Variants in CLN3 observed in about 807,000 individuals in gnomAD.
The protein encoded by CLN3 is battenin.
A neutral mutation model predicts 60.7 loss-of-function variants in CLN3; 49 were observed. That is an observed-to-expected ratio of 0.81 (90% CI 0.64 to 1.02). The LOEUF (loss-of-function observed/expected upper bound fraction) is 1.02, where lower values mean the gene tolerates loss of function less well. Ranked by LOEUF, CLN3 falls within the 50% of genes least tolerant of loss-of-function variation. CLN3 has a pLI of 0.00. For synonymous variants in CLN3, 256 were observed against 245.8 expected, an observed-to-expected ratio of 1.04 and a Z score of -0.39; for missense variants, 516 against 557.4, an observed-to-expected ratio of 0.93 and a Z score of 0.75.
Position 28,477,320 on chromosome 16 carries a change from AG to A in CLN3, c.*195del, listed in dbSNP as rs2046008613. 1 of 669,008 alleles carries A rather than the reference AG, an allele frequency of 1.5e-6. No individual in the cohort carries two copies. Among genetic ancestry groups the A allele is most frequent in the Admixed American group, 2.6e-5 (1 of 38,762 alleles). The allele number at this position is 669,008 out of a possible 1,614,324, so 41.4% of individuals were successfully genotyped here. A position where few individuals can be genotyped will look rare whatever the true frequency, so the allele number is the denominator to read the frequency against. On this transcript the variant is annotated 3_prime_UTR_variant, in exon 16 of 16. Coordinates refer to ENST00000636147, the MANE Select transcript of CLN3 (RefSeq NM_001042432.2). ...GCATTTATTCAGAAGGCATGATGCCAGGAAGAAACTCCCCAAGTGGGAGACA... is the reference window on the plus strand; with the variant it reads ...GCATTTATTCAGAAGGCATGATGCCAGAAGAAACTCCCCAAGTGGGAGACA...
intron 10 of CLN3, among the ~76,000 whole-genome samples, chr16:28,483,532 G>C (rs2046141687): frequency 6.7e-6 from 1 of 149,974 alleles, no homozygotes. Flanking sequence ...AATGTCTCTT[G>C]TACAGCTCCA....
At chr16:28,479,770 AAAAAC>A in intron 14 of CLN3, 18 of 222,526 alleles carry the variant, frequency 8.1e-5, no homozygotes, top group South Asian at 2.0e-4. Flanking sequence ...CTCCATCTCA[AAAAAC>A]AAAACAAAAC....
At chr16:28,491,306 G>A (rs2046309529) in intron 3 of CLN3, among the ~76,000 whole-genome samples, 176 bp downstream of exon 3, 1 of 152,204 alleles carries the variant, frequency 6.6e-6, no homozygotes, top group South Asian at 2.1e-4. Flanking sequence ...AATCCGGAAG[G>A]TGATAAGGAG....
At position 28,477,808 on chromosome 16, in the gene CLN3, G is replaced by A. The variant is rs2141694207; in HGVS notation, c.1126C>T (p.Leu376=). The A allele has an allele frequency of 2.5e-6, 4 of 1,614,210 alleles. No homozygotes were observed. The highest frequency in any genetic ancestry group is 3.4e-6 in the Non-Finnish European group (4 of 1,180,044). The change falls in exon 15 of 16, where the codon CTG becomes TTG. Residue 376 remains leucine (L), a synonymous_variant. Transcript: ENST00000636147. ...AGGAGCCCCTCATACAGAATGATCAGGAAGACGAGGTAGATGCTTGGCAGA... is the reference window on the plus strand; with the variant it reads ...AGGAGCCCCTCATACAGAATGATCAAGAAGACGAGGTAGATGCTTGGCAGA... ...GFLPSIYLVF[L]IILYEGLLGG...
At chr16:28,491,040 A>G (rs1036308244) in intron 3 of CLN3, 2 of 156,314 alleles carry the variant, frequency 1.3e-5, no homozygotes, top group Non-Finnish European at 2.8e-5. Context: ...ACTGCATTCC[A>G]ACCTGGGAAA....
intron 14 of CLN3, 82 bp downstream of exon 14, chr16:28,482,023 G>A (rs980132575): frequency 6.9e-6 from 7 of 1,010,868 alleles, no homozygotes; most frequent in South Asian, 5.5e-5. Context: ...CCCACTGATA[G>A]TGGGAAGCAG....
Position 28,487,311 on chromosome 16 carries a change from C to T in CLN3, c.460+145G>A, listed in dbSNP as rs1001282630. ...ACCCCTCCAAATTGTCCCAGTCTCC[C>T]ATCGCCTACTGCTGATAGCCCTAGC... On this transcript the variant is annotated intron_variant, in intron 7 of 15. Transcript: ENST00000636147. 3 of 732,510 alleles carry T rather than the reference C, an allele frequency of 4.1e-6. No individual in the cohort carries two copies. The African/African-American group carries it at 5.2e-5, about 13-fold the overall frequency. The allele number at this position is 732,510 out of a possible 1,614,324, so 45.4% of individuals were successfully genotyped here.
At chr16:28,483,713 CTTTTTTTTTTTTTTT>C (rs755660742) in intron 10 of CLN3, among the ~76,000 whole-genome samples, 3 of 100,522 alleles carry the variant, frequency 3.0e-5, no homozygotes, top group African/African-American at 4.6e-5. Context: ...CCTTTCTTTT[CTTTTTTTTTTTTTTT>C]TTTTTTTTTT....
At chr16:28,472,607 G>A (rs570859376), downstream of CLN3, among the ~76,000 whole-genome samples, 10 of 151,226 alleles carry the variant, frequency 6.6e-5, no homozygotes, top group Admixed American at 2.6e-4. Flanking sequence ...TTGGGAGGCC[G>A]AGGTGGGCGG....
At chr16:28,481,464 A>ACACACACG (rs2046095277) in intron 14 of CLN3, among the ~76,000 whole-genome samples, 1 of 139,708 alleles carries the variant, frequency 7.2e-6, no homozygotes, top group Non-Finnish European at 1.6e-5. Context: ...GCACACACAC[A>ACACACACG]CACACACACA....
intron 9 of CLN3, chr16:28,484,361 T>G: frequency 2.0e-6 from 1 of 502,438 alleles, no homozygotes; most frequent in South Asian, 2.1e-5. Flanking sequence ...GTTTTGATTT[T>G]TTTCAGAGAC....
chr16:28,470,899 T>C (rs2045946185), downstream of CLN3, among the ~76,000 whole-genome samples: 1 of 114,164 alleles, frequency 8.8e-6, no homozygotes, highest in Admixed American at 9.2e-5. Flanking sequence ...CCGCCAAACC[T>C]TCTTCGGTCT....
At chr16:28,476,809 A>G (rs2141692167), downstream of CLN3, 1 of 153,564 alleles carries the variant, frequency 6.5e-6, no homozygotes, top group African/African-American at 2.4e-5. Context: ...GTCCCAAACA[A>G]TGAATGCATG....
At chr16:28,470,227 G>A (rs2045935764), downstream of CLN3, 1 of 962,912 alleles carries the variant, frequency 1.0e-6, no homozygotes, top group South Asian at 1.6e-5. Flanking sequence ...TGATGCCCTG[G>A]CTAGTCTTCA....
Position 28,484,062 on chromosome 16 carries a change from G to A in CLN3, c.734C>T (p.Ala245Val). ...GAGGGGCTGCCGGGCTGCGCTCTCT[G>A]CTTCTTCTTCCCCTCCAGGGTCCTG... ...EAQDPGGEEE[A>V]ESAARQPLIR... Residue 245 changes from alanine (A) to valine (V), a missense_variant, in exon 10 of 16, where the codon GCA becomes GTA. Ala to Val is a moderately conservative substitution (Grantham distance 64). Transcript: ENST00000636147. 6.2e-7 allele frequency: 1 copy of A among 1,612,430 alleles called. No individual in the cohort carries two copies. The highest frequency in any genetic ancestry group is 8.5e-7 in the Non-Finnish European group (1 of 1,179,258).
downstream of CLN3, among the ~76,000 whole-genome samples, chr16:28,472,884 G>A (rs369534774): frequency 1.5e-3 from 231 of 149,118 alleles, 1 homozygote; most frequent in Middle Eastern, 7.1e-3. Flanking sequence ...TGATCTGCCC[G>A]CCTCAGCCTC....
At chr16:28,487,220 G>GTCTTGACTTTGTTCACCTCAATCTCCA in intron 7 of CLN3, 1 of 604,632 alleles carries the variant, frequency 1.7e-6, no homozygotes, top group South Asian at 1.9e-5. Context: ...CCATCACAGA[G>GTCTTGACTTTGTTCACCTCAATCTCCA]TCTTGACTTT....
chr16:28,482,983 A>G (rs1393103364), intron 10 of CLN3, among the ~76,000 whole-genome samples: 1 of 152,032 alleles, frequency 6.6e-6, no homozygotes, highest in East Asian at 2.0e-4. Flanking sequence ...AGGTGTCTGT[A>G]GTCCCAGCTA....
chr16:28,479,698 G>A (rs535548202), intron 14 of CLN3: 3 of 180,358 alleles, frequency 1.7e-5, no homozygotes, highest in South Asian at 7.8e-5. Context: ...GAATCTGGGA[G>A]GCAGGGGTTG....
Sources: allele counts gnomAD v4.1 joint callset (sites outside exome capture counted in the v4.1 genomes callset), GRCh38; gene constraint gnomAD v4.1.1; transcripts MANE v1.5; gene names NCBI Gene and HGNC (gene_info 2026-07-23, HGNC 2026-07-21).